Variants in ITIH5 observed in about 807,000 individuals in gnomAD.
ITIH5 encodes inter-alpha-trypsin inhibitor heavy chain 5.
Under a neutral mutation model 77.5 loss-of-function variants are expected in ITIH5, and 65 were observed. The observed-to-expected ratio is 0.84, with a 90% CI of 0.69 to 1.03. The LOEUF (loss-of-function observed/expected upper bound fraction) is 1.03, where lower values mean the gene tolerates loss of function less well. Ranked by LOEUF, ITIH5 falls within the 50% of genes least tolerant of loss-of-function variation. ITIH5 has a pLI of 0.00. For missense variants in ITIH5, 1,208 were observed against 1,213.1 expected (o/e 1.00, Z 0.06); for synonymous variants, 525 against 494.3 (o/e 1.06, Z -0.82).
intron 8 of ITIH5, among the ~76,000 whole-genome samples, chr10:7,581,870 A>ATTT (rs34386089): frequency 4.2e-4 from 34 of 81,410 alleles, no homozygotes; most frequent in African/African-American, 8.0e-4. Flanking sequence ...CCACCCATGT[A>ATTT]TTTTTTTTTT....
chr10:7,653,993 A>T (rs1457574057), intron 2 of ITIH5, among the ~76,000 whole-genome samples: 1 of 152,128 alleles, frequency 6.6e-6, no homozygotes, highest in Non-Finnish European at 1.5e-5. Context: ...CATCTCTACT[A>T]AAAAAATAGA....
intron 1 of ITIH5, among the ~76,000 whole-genome samples, chr10:7,660,933 G>T (rs965934841): frequency 2.0e-5 from 3 of 152,232 alleles, no homozygotes; most frequent in African/African-American, 7.2e-5. Flanking sequence ...CCGGGGCGTG[G>T]ACAGGTACAG....
At chr10:7,617,444 A>G (rs1833392505) in intron 5 of ITIH5, 162 bp from the exon 6 acceptor site, 2 of 465,866 alleles carry the variant, frequency 4.3e-6, no homozygotes, top group South Asian at 1.2e-4. Flanking sequence ...TGCGAGAGTT[A>G]TGTCATCATA....
In ITIH5 at chr10:7,576,546, G is replaced by T. The variant is rs34213756; in HGVS notation, c.1885C>A (p.Arg629Ser). 6.2e-7 allele frequency: 1 copy of T among 1,613,442 alleles called. No homozygotes were observed. Among genetic ancestry groups the T allele is most frequent in the South Asian group, 1.1e-5 (1 of 91,078 alleles). Residue 629 changes from arginine to serine, a missense_variant, in exon 10 of 14, where the codon CGC (arginine) becomes AGC (serine). Coordinates refer to ENST00000397146, the MANE Select transcript of ITIH5 (RefSeq NM_030569.7). ...TSMKLRGPVP[R>S]MDGLEEAHGM... ...TGGGCCTCCTCCAGGCCATCCATGC[G>T]TGGGACCGGCCCCCTCAGCTTCATG...
At chr10:7,593,979 G>A (rs1236147839) in intron 7 of ITIH5, among the ~76,000 whole-genome samples, 3 of 152,232 alleles carry the variant, frequency 2.0e-5, no homozygotes, top group African/African-American at 2.4e-5. Flanking sequence ...GAGGAGGAGC[G>A]TCCACACAGA....
chr10:7,578,380 C>G (rs73617534), intron 9 of ITIH5: 1 of 167,364 alleles, frequency 6.0e-6, no homozygotes, highest in Non-Finnish European at 1.5e-5. Context: ...TGCCAGGTAT[C>G]GATCATAGTT....
chr10:7,602,632 C>T (rs900364223), intron 7 of ITIH5, among the ~76,000 whole-genome samples: 1 of 152,176 alleles, frequency 6.6e-6, no homozygotes, highest in Admixed American at 6.5e-5. Context: ...CCAAGACATG[C>T]GGAACTGAGA....
chr10:7,656,997 C>T (rs1192216799), intron 1 of ITIH5, among the ~76,000 whole-genome samples: 3 of 149,662 alleles, frequency 2.0e-5, no homozygotes, highest in Non-Finnish European at 4.4e-5. Flanking sequence ...CTGCCTTGGC[C>T]TCCCAAAGTG....
chr10:7,599,605 G>A (rs1357683754), intron 7 of ITIH5, among the ~76,000 whole-genome samples: 1 of 152,024 alleles, frequency 6.6e-6, no homozygotes, highest in Non-Finnish European at 1.5e-5. Context: ...TCTCCCTTAA[G>A]TTCTCACGAT....
chr10:7,599,618 C>T (rs1036717912), intron 7 of ITIH5, among the ~76,000 whole-genome samples: 1 of 152,146 alleles, frequency 6.6e-6, no homozygotes, highest in Non-Finnish European at 1.5e-5. Flanking sequence ...CTCACGATTC[C>T]TCTCTCCCTG....
At chr10:7,582,790 C>T (rs902640661) in intron 8 of ITIH5, among the ~76,000 whole-genome samples, 7 of 151,992 alleles carry the variant, frequency 4.6e-5, no homozygotes, top group Non-Finnish European at 8.8e-5. Context: ...AAAATTAAAA[C>T]GATTGAACTT....
At chr10:7,587,433 G>A (rs533715380) in intron 7 of ITIH5, among the ~76,000 whole-genome samples, 121 of 152,280 alleles carry the variant, frequency 7.9e-4, no homozygotes, top group African/African-American at 2.9e-3. Context: ...AAGGACATCC[G>A]GCACCTTTAC....
intron 13 of ITIH5, among the ~76,000 whole-genome samples, chr10:7,564,722 G>A (rs7921031): frequency 0.072 from 10,934 of 151,832 alleles, 434 homozygotes; most frequent in Middle Eastern, 0.13. Flanking sequence ...GACTGTGTGT[G>A]TCGGTGGGTG....
chr10:7,588,303 G>A (rs1288079108), intron 7 of ITIH5, among the ~76,000 whole-genome samples: 2 of 152,094 alleles, frequency 1.3e-5, no homozygotes, highest in Admixed American at 6.5e-5. Flanking sequence ...TAGATCACTT[G>A]AGGTGAGGAG....
intron 5 of ITIH5, among the ~76,000 whole-genome samples, chr10:7,628,356 G>A (rs983417861): frequency 6.6e-6 from 1 of 152,174 alleles, no homozygotes; most frequent in Non-Finnish European, 1.5e-5. Flanking sequence ...GGACATTTCA[G>A]CTAAATGGAA....
chr10:7,627,548 C>A (rs1213124021), intron 5 of ITIH5, among the ~76,000 whole-genome samples: 3 of 152,084 alleles, frequency 2.0e-5, no homozygotes, highest in African/African-American at 7.2e-5. Flanking sequence ...TCTCTTCTTT[C>A]CAATGACGCT....
chr10:7,659,942 G>A (rs1834249341), intron 1 of ITIH5, among the ~76,000 whole-genome samples: 1 of 152,190 alleles, frequency 6.6e-6, no homozygotes, highest in Admixed American at 6.5e-5. Context: ...AACGAGGGGT[G>A]GAGTCTGGCT....
intron 1 of ITIH5, among the ~76,000 whole-genome samples, chr10:7,663,745 G>A (rs887091278): frequency 6.6e-6 from 1 of 152,200 alleles, no homozygotes; most frequent in Non-Finnish European, 1.5e-5. Context: ...ACCCAGAGAG[G>A]TTAAGTGACT....
chr10:7,579,645 C>G, intron 9 of ITIH5, 110 bp downstream of exon 9: 1 of 1,079,104 alleles, frequency 9.3e-7, no homozygotes, highest in Non-Finnish European at 1.4e-6. Flanking sequence ...TGATCGTTGT[C>G]AGCAGATGCA....
Sources: allele counts gnomAD v4.1 joint callset (sites outside exome capture counted in the v4.1 genomes callset), GRCh38; gene constraint gnomAD v4.1.1; transcripts MANE v1.5; gene names NCBI Gene and HGNC (gene_info 2026-07-23, HGNC 2026-07-21).